The following KIF26B variants were observed in gnomAD, a reference collection of about 807,000 sequenced individuals.
KIF26B encodes kinesin family member 26B.
KIF26B carries 63 observed loss-of-function variants against 151.2 expected under a neutral mutation model. The ratio of observed to expected loss-of-function variants is 0.42; its 90% CI spans 0.34 to 0.51. KIF26B has a LOEUF of 0.51. Ranked by LOEUF, KIF26B falls within the 20% of genes least tolerant of loss-of-function variation. The pLI is 0.07. For synonymous variants in KIF26B, 1,357 were observed against 1,262.1 expected, an observed-to-expected ratio of 1.08 and a Z score of -1.59; for missense variants, 2,813 against 2,913.6, an observed-to-expected ratio of 0.97 and a Z score of 0.79.
intron 10 of KIF26B, among the ~76,000 whole-genome samples, chr1:245,656,412 A>T (rs1298533376): frequency 6.6e-6 from 1 of 152,194 alleles, no homozygotes; most frequent in Non-Finnish European, 1.5e-5. Flanking sequence ...TATAGAGATG[A>T]TCCAACACAA....
At chr1:245,562,860 G>A (rs144156925) in intron 5 of KIF26B, among the ~76,000 whole-genome samples, 164 of 152,162 alleles carry the variant, frequency 1.1e-3, no homozygotes, top group African/African-American at 3.8e-3. Flanking sequence ...ATAGGCATGC[G>A]TCACCATGCC....
intron 3 of KIF26B, among the ~76,000 whole-genome samples, chr1:245,385,524 C>G (rs1673522304): frequency 6.6e-6 from 1 of 152,148 alleles, no homozygotes; most frequent in Admixed American, 6.5e-5. Flanking sequence ...ATGTACATGC[C>G]TGTTTGTTAT....
Position 245,627,954 on chromosome 1 carries a change from A to C in KIF26B, c.2098+15978A>C, listed in dbSNP as rs530999344. Among the ~76,000 whole-genome samples, 3 of 152,336 alleles carry C rather than the reference A, an allele frequency of 2.0e-5. No individual in the cohort carries two copies. The East Asian group carries it at 5.8e-4, about 29-fold the overall frequency. On this transcript the variant is annotated intron_variant, in intron 9 of 14. Coordinates refer to ENST00000407071, the MANE Select transcript of KIF26B (RefSeq NM_018012.4). ...AGGAAGAAGTCAAATCCCTGAATAG[A>C]CCAATAACGAGTTCTGAAATTGAGG...
At position 245,559,557 on chromosome 1, in the gene KIF26B, G is replaced by A. The variant is rs910723401; in HGVS notation, c.1350+18607G>A. Among the ~76,000 whole-genome samples, 5 of 152,088 alleles carry A rather than the reference G, an allele frequency of 3.3e-5. No individual in the cohort carries two copies. In the South Asian group the frequency reaches 8.3e-4, roughly 25 times the overall value. The stretch of plus-strand genomic sequence containing the variant: ...CCTTCCAAGTAGCTGGGAGACAGGC[G>A]CACGCCCCCACACCTGCCTAATTTT... On this transcript the variant is annotated intron_variant, in intron 5 of 14. Transcript: ENST00000407071.
chr1:245,700,644 TA>T (rs1374455602), intron 14 of KIF26B, among the ~76,000 whole-genome samples: 2 of 151,390 alleles, frequency 1.3e-5, no homozygotes, highest in East Asian at 3.9e-4. Context: ...GTCTCAAAAA[TA>T]AAAATAAAAA....
chr1:245,235,804 A>G (rs377375188), intron 2 of KIF26B, among the ~76,000 whole-genome samples: 2 of 152,264 alleles, frequency 1.3e-5, no homozygotes, highest in East Asian at 3.9e-4. Context: ...GTACAATTTT[A>G]AGACATGAGA....
Position 245,416,184 on chromosome 1 carries a change from G to A in KIF26B, c.1000-3395G>A, listed in dbSNP as rs1674412830. On this transcript the variant is annotated intron_variant, in intron 3 of 14. Coordinates refer to ENST00000407071, the MANE Select transcript of KIF26B (RefSeq NM_018012.4). ...AATCCCAGCTACTCTGGAGGCTGAG[G>A]TAGGAGAATCTCTTGAACCCGGAAG... Among the ~76,000 whole-genome samples the A allele has an allele frequency of 2.6e-5, 4 of 151,002 alleles. No homozygotes were observed. In the South Asian group the frequency reaches 8.4e-4, roughly 32 times the overall value.
chr1:245,319,014 GT>G (rs1436149253), intron 2 of KIF26B, among the ~76,000 whole-genome samples: 3 of 152,178 alleles, frequency 2.0e-5, no homozygotes, highest in Non-Finnish European at 4.4e-5. Context: ...ACAGTTTTGG[GT>G]GCCTACGGCT....
chr1:245,410,333 C>T (rs1329351750), intron 3 of KIF26B, among the ~76,000 whole-genome samples: 2 of 152,198 alleles, frequency 1.3e-5, no homozygotes, highest in Non-Finnish European at 2.9e-5. Flanking sequence ...TCTCTTGACT[C>T]GGGCCTCACC....
rs1382726808 is a variant in KIF26B, at chr1:245,617,308, C to T, written c.2098+5332C>T. Among the ~76,000 whole-genome samples the T allele has an allele frequency of 3.9e-5, 6 of 152,210 alleles. No individual in the cohort carries two copies. In the East Asian group the frequency reaches 5.8e-4, roughly 15 times the overall value. ...AGACGGGGTTTCACCATGTTGGCCA[C>T]GCTGGTCTCGAACTCCTGACCTCAA... On this transcript the variant is annotated intron_variant, in intron 9 of 14. Transcript: ENST00000407071.
At chr1:245,504,672 C>T (rs576457778) in intron 4 of KIF26B, among the ~76,000 whole-genome samples, 1 of 151,968 alleles carries the variant, frequency 6.6e-6, no homozygotes, top group Admixed American at 6.6e-5. Context: ...AACTCCTTGC[C>T]TCAAGAGTCC....
intron 3 of KIF26B, among the ~76,000 whole-genome samples, chr1:245,372,959 T>C (rs571545956): frequency 2.8e-4 from 42 of 152,338 alleles, no homozygotes; most frequent in African/African-American, 1.0e-3. Context: ...TAGGGAACAA[T>C]TAAGAAGAAG....
In KIF26B at chr1:245,421,816, A is replaced by G. The variant is rs1201138290; in HGVS notation, c.1166+2071A>G. On this transcript the variant is annotated intron_variant, in intron 4 of 14. Coordinates refer to ENST00000407071, the MANE Select transcript of KIF26B (RefSeq NM_018012.4). ...CTTTGGAGCTGGGGAAAGGATGTGG[A>G]AATGAGGGGGGCCTGGGAACCTCAT... Among the ~76,000 whole-genome samples the G allele has an allele frequency of 3.3e-5, 5 of 152,138 alleles. No individual in the cohort carries two copies. In the East Asian group the frequency reaches 7.7e-4, roughly 24 times the overall value.
intron 4 of KIF26B, among the ~76,000 whole-genome samples, chr1:245,428,011 G>C (rs1455959893): frequency 6.6e-6 from 1 of 152,128 alleles, no homozygotes; most frequent in Non-Finnish European, 1.5e-5. Context: ...ACCTCCTCTG[G>C]GGCTCTGTCA....
At chr1:245,633,438 C>T (rs1382124014) in intron 9 of KIF26B, among the ~76,000 whole-genome samples, 1 of 152,022 alleles carries the variant, frequency 6.6e-6, no homozygotes, top group East Asian at 1.9e-4. Context: ...TTGTTCCTTT[C>T]TTCCTCTTGT....
rs1178713438 is a variant in KIF26B, at chr1:245,699,051, G to A, written c.6178+14G>A. 1 of 1,611,352 alleles carries A rather than the reference G, an allele frequency of 6.2e-7. No homozygotes were observed. The highest frequency in any genetic ancestry group is 1.3e-5 in the African/African-American group (1 of 75,042). On this transcript the variant is annotated intron_variant, in intron 14 of 14. Coordinates refer to ENST00000407071, the MANE Select transcript of KIF26B (RefSeq NM_018012.4). ...GGCTCAGTGAATGTAAGGCCGGGGT[G>A]CCTTCCCACCCTTGTGACTAGTGGG...
intron 4 of KIF26B, among the ~76,000 whole-genome samples, chr1:245,460,279 T>G (rs1341952599): frequency 6.6e-6 from 1 of 152,176 alleles, no homozygotes; most frequent in Non-Finnish European, 1.5e-5. Flanking sequence ...AGGTTTGTTT[T>G]TTTTGTTTTG....
intron 2 of KIF26B, among the ~76,000 whole-genome samples, chr1:245,169,305 C>T (rs914994610): frequency 1.5e-5 from 2 of 137,350 alleles, no homozygotes; most frequent in Non-Finnish European, 3.2e-5. Flanking sequence ...TTTGTCCATG[C>T]ACTCGACTTT....
chr1:245,158,847 T>TG (rs915525554), intron 2 of KIF26B, among the ~76,000 whole-genome samples: 1 of 27,454 alleles, frequency 3.6e-5, no homozygotes, highest in African/African-American at 7.3e-5. Context: ...ATTGTGTGTG[T>TG]GTGTGTGTGT....
Sources: gnomAD v4.1 joint callset for allele counts (sites outside exome capture counted in the v4.1 genomes callset) on GRCh38, gnomAD v4.1.1 for gene constraint, MANE v1.5 for transcripts, NCBI Gene and HGNC (gene_info 2026-07-23, HGNC 2026-07-21) for gene names.